The following COL11A1 variants were observed in gnomAD, a reference collection of about 807,000 sequenced individuals.
COL11A1 encodes collagen alpha-1(XI) chain.
Under a neutral mutation model 265.2 loss-of-function variants are expected in COL11A1, and 74 were observed. The ratio of observed to expected loss-of-function variants is 0.28; its 90% confidence interval spans 0.23 to 0.34. The LOEUF (loss-of-function observed/expected upper bound fraction) is 0.34, where lower values mean the gene tolerates loss of function less well. COL11A1 is among the 10% of genes least tolerant of loss of function. COL11A1 has a pLI of 1.00. For missense variants in COL11A1, 2,165 were observed against 2,263.6 expected, an observed-to-expected ratio of 0.96 and a Z score of 0.88; for synonymous variants, 816 against 727.6, an observed-to-expected ratio of 1.12 and a Z score of -1.96.
chr1:103,055,182 T>C (rs947869893), intron 4 of COL11A1, among the ~76,000 whole-genome samples: 20 of 152,160 alleles, frequency 1.3e-4, no homozygotes, highest in African/African-American at 4.8e-4. Flanking sequence ...AAAATGCAAA[T>C]ACTTAAATTA....
intron 4 of COL11A1, among the ~76,000 whole-genome samples, chr1:103,068,656 C>A (rs1671336532): frequency 6.6e-6 from 1 of 150,950 alleles, no homozygotes. Flanking sequence ...AGAAAACTTG[C>A]AAAATGGTCC....
intron 8 of COL11A1, among the ~76,000 whole-genome samples, chr1:103,022,044 T>C (rs1667134829): frequency 6.7e-6 from 1 of 148,832 alleles, no homozygotes; most frequent in African/African-American, 2.5e-5. Flanking sequence ...TTAGTAGAGA[T>C]CGGTTTTCGC....
At chr1:103,013,706 G>C (rs1304822663) in intron 13 of COL11A1, among the ~76,000 whole-genome samples, 2 of 151,768 alleles carry the variant, frequency 1.3e-5, no homozygotes. Flanking sequence ...TCATCATGAT[G>C]CATAAAAATT....
Position 102,888,899 on chromosome 1 carries a change from A to T in COL11A1, c.4485T>A (p.Gly1495=), listed in dbSNP as rs763393905. 1.2e-6 allele frequency: 2 copies of T among 1,612,360 alleles called. No individual in the cohort carries two copies. Among genetic ancestry groups the T allele is most frequent in the South Asian group, 2.2e-5 (2 of 91,064 alleles). Residue 1495 remains glycine (G), a synonymous_variant, in exon 60 of 67, where the codon GGT becomes GGA. Transcript: ENST00000370096. ...KGDGGIPGPA[G]PLGPPGPPGL... ...CTGGAGGACCAGGTGGACCTAAGGGACCAGCAGGACCAGGAATTCCCTAGA... is the reference window on the plus strand; with the variant it reads ...CTGGAGGACCAGGTGGACCTAAGGGTCCAGCAGGACCAGGAATTCCCTAGA...
intron 57 of COL11A1, among the ~76,000 whole-genome samples, chr1:102,896,212 CAAA>C (rs5776663): frequency 9.1e-5 from 13 of 143,228 alleles, no homozygotes; most frequent in Admixed American, 1.4e-4. Context: ...AACTTAAAGC[CAAA>C]AAAAAAAAAA....
intron 24 of COL11A1, among the ~76,000 whole-genome samples, chr1:102,998,894 T>A (rs1368390181): frequency 6.6e-6 from 1 of 151,902 alleles, no homozygotes; most frequent in African/African-American, 2.4e-5. Flanking sequence ...TCCTAATAGG[T>A]ACCCAATAAG....
At chr1:102,961,629 A>G (rs1660916029) in intron 41 of COL11A1, 1 of 458,732 alleles carries the variant, frequency 2.2e-6, no homozygotes, top group Admixed American at 3.6e-5. Context: ...CGTAAGAAGC[A>G]AGATATCTCC....
chr1:102,979,183 C>T, intron 32 of COL11A1, 79 bp from the exon 33 acceptor site: 1 of 1,351,376 alleles, frequency 7.4e-7, no homozygotes, highest in Non-Finnish European at 1.1e-6. Context: ...AGTAGTCATG[C>T]AAGAACATCA....
Position 103,030,895 on chromosome 1 carries a change from G to A in COL11A1, c.780+221C>T. The A allele has an allele frequency of 5.6e-6, 3 of 534,792 alleles. No individual in the cohort carries two copies. In the South Asian group the frequency reaches 5.9e-5, roughly 10 times the overall value. 33.1% of individuals were successfully genotyped at this position (534,792 alleles called of 1,614,324 possible). A position where few individuals can be genotyped will look rare whatever the true frequency, so the allele number is the denominator to read the frequency against. On this transcript the variant is annotated intron_variant, in intron 5 of 66. Coordinates refer to ENST00000370096, the MANE Select transcript of COL11A1 (RefSeq NM_001854.4). Reference sequence around the variant, plus strand: ...TGCATATACACAGTATACAAGTGAAGCACCATTATTGCTAATAAATTTATG... The same window carrying A: ...TGCATATACACAGTATACAAGTGAAACACCATTATTGCTAATAAATTTATG...
chr1:103,001,837 C>T, intron 24 of COL11A1, 88 bp downstream of exon 24: 2 of 1,219,466 alleles, frequency 1.6e-6, no homozygotes, highest in Non-Finnish European at 2.4e-6. Context: ...GATATCTTAA[C>T]AAAAACAGAA....
chr1:103,026,455 A>C, intron 5 of COL11A1, 123 bp from the exon 6 acceptor site: 1 of 725,138 alleles, frequency 1.4e-6, no homozygotes, highest in Non-Finnish European at 2.5e-6. Context: ...AATGTTATTG[A>C]TGAGTTATTT....
chr1:102,904,288 C>G (rs1653611238), intron 54 of COL11A1, among the ~76,000 whole-genome samples: 1 of 152,142 alleles, frequency 6.6e-6, no homozygotes, highest in African/African-American at 2.4e-5. Flanking sequence ...AAAACCTAGG[C>G]AATACTATTC....
chr1:102,983,424 G>C lies in COL11A1; in HGVS notation c.2556+714C>G, dbSNP rs140135548. Among the ~76,000 whole-genome samples the C allele has an allele frequency of 1.8e-3, 271 of 152,108 alleles. 1 individual carries two copies. The highest frequency in any genetic ancestry group is 2.5e-3 in the Admixed American group (38 of 15,222). On this transcript the variant is annotated intron_variant, in intron 31 of 66. Transcript: ENST00000370096. Reference sequence around the variant, plus strand: ...AATGGGATCCACCTGGATTGCCTAGGTGGTCCCTAAATCCAATGGCGAGTG... The same window carrying C: ...AATGGGATCCACCTGGATTGCCTAGCTGGTCCCTAAATCCAATGGCGAGTG...
chr1:103,004,693 T>C (rs1665433220), intron 18 of COL11A1, 32 bp from the exon 19 acceptor site: 1 of 1,563,716 alleles, frequency 6.4e-7, no homozygotes, highest in South Asian at 1.1e-5. Flanking sequence ...GATTAGCATA[T>C]GGAAAGAAGT....
At position 102,958,536 on chromosome 1, in the gene COL11A1, C is replaced by A. The variant is rs115089358; in HGVS notation, c.3168+3330G>T. On this transcript the variant is annotated intron_variant, in intron 41 of 66. Transcript: ENST00000370096. Reference sequence around the variant, plus strand: ...GGAGTAAACTAAGGCTCGCTCAGCACTTGTTATGAACTGAGTCATCATCAT... The same window carrying A: ...GGAGTAAACTAAGGCTCGCTCAGCAATTGTTATGAACTGAGTCATCATCAT... 8.8e-3 allele frequency among the ~76,000 whole-genome samples: 1,339 copies of A among 152,208 alleles called. 11 individuals carry two copies. Among genetic ancestry groups the A allele is most frequent in the Non-Finnish European group, 0.012 (793 of 68,002 alleles).
In COL11A1 at chr1:103,021,783, T is replaced by C; in HGVS notation, c.1246-14A>G. On this transcript the variant is annotated splice_polypyrimidine_tract_variant and intron_variant, in intron 8 of 66. Transcript: ENST00000370096. ...ATGGCCATTTATCTGTTGAATGAAA[T>C]ATTCAAAACAGCCTAAATGTCTGTA... The C allele has an allele frequency of 3.2e-6, 5 of 1,572,498 alleles. No homozygotes were observed. Among genetic ancestry groups the C allele is most frequent in the Non-Finnish European group, 4.4e-6 (5 of 1,142,108 alleles).
At chr1:103,022,004 A>T (rs956424920) in intron 8 of COL11A1, among the ~76,000 whole-genome samples, 1 of 117,720 alleles carries the variant, frequency 8.5e-6, no homozygotes, top group Non-Finnish European at 1.7e-5. Flanking sequence ...CCGCCACCAC[A>T]CCTAGCTAAT....
chr1:103,010,638 C>T (rs554933565), intron 14 of COL11A1, among the ~76,000 whole-genome samples: 63 of 151,918 alleles, frequency 4.1e-4, no homozygotes, highest in Admixed American at 1.3e-3. Flanking sequence ...TTGTGTTTTT[C>T]AAGATAATAA....
chr1:103,075,193 C>T (rs983889070), intron 3 of COL11A1, among the ~76,000 whole-genome samples: 3 of 152,094 alleles, frequency 2.0e-5, no homozygotes, highest in Non-Finnish European at 4.4e-5. Context: ...AAAAAAACTC[C>T]GCTCTAGTGA....
Sources: gnomAD v4.1 joint callset for allele counts (sites outside exome capture counted in the v4.1 genomes callset) on GRCh38, gnomAD v4.1.1 for gene constraint, MANE v1.5 for transcripts, NCBI Gene and HGNC (gene_info 2026-07-23, HGNC 2026-07-21) for gene names.